DCHS2: variants seen among roughly 807,000 people sequenced by gnomAD.
DCHS2 encodes protocadherin-23.
In DCHS2, 142 loss-of-function variants were observed where a neutral mutation model predicts 182.4. The observed-to-expected ratio is 0.78, with a 90% CI of 0.68 to 0.89. DCHS2 has a LOEUF of 0.89. DCHS2 is among the 40% of genes least tolerant of loss of function. The pLI is 0.00. For missense variants in DCHS2, 4,319 were observed against 4,198.6 expected (o/e 1.03, Z -0.79); for synonymous variants, 1,740 against 1,663.3 (o/e 1.05, Z -1.12).
At chr4:154,378,075 A>C (rs1730994820) in intron 1 of DCHS2, among the ~76,000 whole-genome samples, 2 of 152,184 alleles carry the variant, frequency 1.3e-5, no homozygotes, top group African/African-American at 2.4e-5. Context: ...CTGTAGGTAC[A>C]TGGGGAATGA....
chr4:154,267,992 T>C (rs1016357823), intron 14 of DCHS2, among the ~76,000 whole-genome samples: 18 of 152,222 alleles, frequency 1.2e-4, no homozygotes, highest in African/African-American at 3.4e-4. Flanking sequence ...AACACGTTTT[T>C]CTATTCAAGT....
At chr4:154,400,457 C>T (rs1318509321) in intron 1 of DCHS2, among the ~76,000 whole-genome samples, 1 of 98,506 alleles carries the variant, frequency 1.0e-5, no homozygotes, top group African/African-American at 2.9e-5. Context: ...CCCTCGCCCC[C>T]CATGCTGTAA....
chr4:154,271,901 T>C (rs1396783245), intron 13 of DCHS2, among the ~76,000 whole-genome samples: 3 of 152,126 alleles, frequency 2.0e-5, no homozygotes, highest in Non-Finnish European at 2.9e-5. Context: ...ATAGAATATA[T>C]TCGACACCTC....
Position 154,489,852 on chromosome 4 carries a change from G to T in DCHS2, c.1504C>A (p.Arg502Ser), listed in dbSNP as rs998439322. 6.5e-7 allele frequency: 1 copy of T among 1,548,586 alleles called. No homozygotes were observed. Among genetic ancestry groups the T allele is most frequent in the Non-Finnish European group, 8.7e-7 (1 of 1,144,806 alleles). Reference protein sequence around the residue: ...CVEGPLDRESRDLYELLLVAT... With the variant: ...CVEGPLDRESSDLYELLLVAT... The stretch of plus-strand genomic sequence containing the variant: ...ACCAGTAGTAACTCATACAGATCGC[G>T]GCTCTCTCTGTCCAGGGGCCCCTCC... Residue 502 changes from arginine (R) to serine (S), a missense_variant, in exon 1 of 20, where the codon CGC becomes AGC. Arg to Ser is a moderately radical substitution (Grantham distance 110). Transcript: ENST00000357232.
At chr4:154,274,950 T>C (rs1347059534) in intron 13 of DCHS2, among the ~76,000 whole-genome samples, 1 of 152,004 alleles carries the variant, frequency 6.6e-6, no homozygotes, top group Non-Finnish European at 1.5e-5. Flanking sequence ...GCCATCTCAT[T>C]GAACCCTCAT....
chr4:154,431,977 T>G (rs1002140474), intron 1 of DCHS2, among the ~76,000 whole-genome samples: 5 of 152,212 alleles, frequency 3.3e-5, no homozygotes, highest in African/African-American at 1.2e-4. Flanking sequence ...TATTTTAATA[T>G]TTACCTGCCA....
At chr4:154,375,029 C>T (rs1730823628) in intron 2 of DCHS2, among the ~76,000 whole-genome samples, 2 of 152,092 alleles carry the variant, frequency 1.3e-5, no homozygotes, top group African/African-American at 2.4e-5. Context: ...ATGTATGATA[C>T]CATGACCTAT....
chr4:154,248,760 A>T (rs1732208684), intron 16 of DCHS2, among the ~76,000 whole-genome samples: 1 of 152,192 alleles, frequency 6.6e-6, no homozygotes, highest in Admixed American at 6.5e-5. Context: ...GGAACAGAAT[A>T]GAAAACTTAG....
Position 154,236,953 on chromosome 4 carries a change from T to C in DCHS2, c.7699A>G (p.Thr2567Ala). 1 of 1,614,066 alleles carries C rather than the reference T, an allele frequency of 6.2e-7. No individual in the cohort carries two copies. Among genetic ancestry groups the C allele is most frequent in the Non-Finnish European group, 8.5e-7 (1 of 1,179,944 alleles). ...TCGATGTTTGAAAATGTAACAAGCG[T>C]GCTTCCAACCAGAGCATCCTCACTT... ...SLSEDALVGSTLVTFSNIDHD... is the reference protein window; with the variant it reads ...SLSEDALVGSALVTFSNIDHD... Residue 2567 changes from threonine (T) to alanine (A), a missense_variant, in exon 20 of 20, where the codon ACG (threonine) becomes GCG (alanine). Thr to Ala is a moderately conservative substitution (Grantham distance 58, BLOSUM62 0). Transcript: ENST00000357232.
chr4:154,360,115 ATG>A (rs1730050445), intron 3 of DCHS2, among the ~76,000 whole-genome samples: 1 of 152,062 alleles, frequency 6.6e-6, no homozygotes, highest in Non-Finnish European at 1.5e-5. Flanking sequence ...TAATCTGCAA[ATG>A]AACATAAAAA....
intron 1 of DCHS2, among the ~76,000 whole-genome samples, chr4:154,432,549 A>T (rs1337529765): frequency 1.3e-5 from 2 of 152,208 alleles, no homozygotes; most frequent in Non-Finnish European, 2.9e-5. Flanking sequence ...AATTTGTTTT[A>T]GACTTTAAGT....
chr4:154,262,780 A>C (rs911612644), intron 14 of DCHS2, among the ~76,000 whole-genome samples: 5 of 152,232 alleles, frequency 3.3e-5, no homozygotes, highest in Non-Finnish European at 7.3e-5. Flanking sequence ...CTACTTAAAC[A>C]ATGTCTTTGA....
At chr4:154,376,284 C>G (rs1730888652) in intron 2 of DCHS2, among the ~76,000 whole-genome samples, 1 of 152,026 alleles carries the variant, frequency 6.6e-6, no homozygotes, top group Non-Finnish European at 1.5e-5. Flanking sequence ...AGGAATCAAA[C>G]TGAAGGTGCC....
intron 1 of DCHS2, among the ~76,000 whole-genome samples, chr4:154,400,159 C>A (rs12647084): frequency 0.58 from 87,333 of 151,642 alleles, 30,402 homozygotes; most frequent in Non-Finnish European, 0.75. Context: ...AAAAATTAGC[C>A]GGGCGTGGTG....
At chr4:154,289,829 A>G (rs1279386283) in intron 13 of DCHS2, among the ~76,000 whole-genome samples, 1 of 152,044 alleles carries the variant, frequency 6.6e-6, no homozygotes. Context: ...AAAATAAAGG[A>G]CCATATGATT....
At chr4:154,242,507 ATG>A in intron 17 of DCHS2, 133 bp downstream of exon 17, 1 of 1,299,454 alleles carries the variant, frequency 7.7e-7, no homozygotes. Flanking sequence ...GTTCTGCAAA[ATG>A]AAGACAAAAA....
At chr4:154,438,564 G>A (rs367782046) in intron 1 of DCHS2, among the ~76,000 whole-genome samples, 2 of 152,070 alleles carry the variant, frequency 1.3e-5, no homozygotes, top group African/African-American at 4.8e-5. Context: ...TTTCCCATGG[G>A]TTTTGACTAG....
At chr4:154,329,919 G>A (rs116333064) in intron 5 of DCHS2, among the ~76,000 whole-genome samples, 5,273 of 152,242 alleles carry the variant, frequency 0.035, 153 homozygotes, top group South Asian at 0.062. Context: ...GTTATTCTTT[G>A]TATTTCAAAT....
At chr4:154,407,194 C>T (rs780698299) in intron 1 of DCHS2, among the ~76,000 whole-genome samples, 17 of 152,202 alleles carry the variant, frequency 1.1e-4, no homozygotes, top group Non-Finnish European at 1.9e-4. Flanking sequence ...ATTGAGGGCT[C>T]TCTAGCTGCT....
Sources: gnomAD v4.1 joint callset for allele counts (sites outside exome capture counted in the v4.1 genomes callset) on GRCh38, gnomAD v4.1.1 for gene constraint, MANE v1.5 for transcripts, NCBI Gene and HGNC (gene_info 2026-07-23, HGNC 2026-07-21) for gene names.